Variants in MAGI2 observed in about 807,000 individuals in gnomAD.
The protein encoded by MAGI2 is membrane-associated guanylate kinase, WW and PDZ domain-containing protein 2.
Under a neutral mutation model 133.3 loss-of-function variants are expected in MAGI2, and 35 were observed. The observed-to-expected ratio is 0.26, with a 90% CI of 0.20 to 0.35. The LOEUF is 0.35. Among genes scored for constraint, MAGI2 ranks in the 10% least tolerant of loss-of-function variants. The pLI, the probability that MAGI2 is intolerant of heterozygous loss-of-function variation, is 1.00. For missense variants in MAGI2, 1,636 were observed against 1,863.4 expected, an observed-to-expected ratio of 0.88 and a Z score of 2.25; for synonymous variants, 729 against 710.6, an observed-to-expected ratio of 1.03 and a Z score of -0.41.
At chr7:79,292,472 A>T (rs892098702) in intron 1 of MAGI2, among the ~76,000 whole-genome samples, 7 of 151,904 alleles carry the variant, frequency 4.6e-5, no homozygotes, top group African/African-American at 1.7e-4. Flanking sequence ...AAAAAATAAA[A>T]AAATAAAAAA....
chr7:78,477,549 A>G (rs1178359611), intron 6 of MAGI2, among the ~76,000 whole-genome samples: 1 of 151,928 alleles, frequency 6.6e-6, no homozygotes, highest in African/African-American at 2.4e-5. Flanking sequence ...AAGATGAAGG[A>G]AGAGCAAAGG....
intron 1 of MAGI2, among the ~76,000 whole-genome samples, chr7:79,433,459 A>T (rs1262866734): frequency 6.6e-6 from 1 of 152,016 alleles, no homozygotes; most frequent in African/African-American, 2.4e-5. Flanking sequence ...AGGCTGAGGC[A>T]GGAGAATGGC....
At chr7:78,833,209 C>T (rs933611508) in intron 2 of MAGI2, among the ~76,000 whole-genome samples, 4 of 152,300 alleles carry the variant, frequency 2.6e-5, no homozygotes, top group Non-Finnish European at 5.9e-5. Flanking sequence ...TACTGATGCA[C>T]ACACTATATT....
intron 9 of MAGI2, among the ~76,000 whole-genome samples, chr7:78,258,229 A>G (rs1793182920): frequency 6.6e-6 from 1 of 152,118 alleles, no homozygotes; most frequent in Non-Finnish European, 1.5e-5. Context: ...TGGAGTGGAC[A>G]TTCCCTCACT....
chr7:78,312,788 G>A lies in MAGI2; in HGVS notation c.1408+30990C>T, dbSNP rs146089501. Among the ~76,000 whole-genome samples, 270 of 151,762 alleles carry A rather than the reference G, an allele frequency of 1.8e-3. 2 individuals are homozygous for A. The highest frequency in any genetic ancestry group is 6.3e-3 in the African/African-American group (262 of 41,408). ...CATTCCATCCAGCAATCCCACTCAAGGGTATATACCCAAAGGGAAATATTA... is the reference window on the plus strand; with the variant it reads ...CATTCCATCCAGCAATCCCACTCAAAGGTATATACCCAAAGGGAAATATTA... On this transcript the variant is annotated intron_variant, in intron 9 of 21. Transcript: ENST00000354212.
intron 1 of MAGI2, among the ~76,000 whole-genome samples, chr7:79,237,295 C>T (rs201506839): frequency 6.6e-6 from 1 of 152,164 alleles, no homozygotes; most frequent in East Asian, 1.9e-4. Context: ...GCGATCAAGA[C>T]CATCCTGGCT....
At chr7:79,378,100 A>G (rs2129140020) in intron 1 of MAGI2, among the ~76,000 whole-genome samples, 1 of 151,888 alleles carries the variant, frequency 6.6e-6, no homozygotes, top group Non-Finnish European at 1.5e-5. Context: ...CTATCCCATT[A>G]TTTCTCTTAG....
chr7:78,844,032 T>G (rs1792374181), intron 2 of MAGI2, among the ~76,000 whole-genome samples: 2 of 148,270 alleles, frequency 1.3e-5, no homozygotes, highest in South Asian at 4.2e-4. Flanking sequence ...CAGAAAAATC[T>G]GAAAGGAAAT....
At chr7:78,907,738 A>C (rs1046199856) in intron 2 of MAGI2, among the ~76,000 whole-genome samples, 2 of 152,174 alleles carry the variant, frequency 1.3e-5, no homozygotes, top group Admixed American at 6.6e-5. Flanking sequence ...CTAAAAAATT[A>C]GGCCTCTATT....
intron 3 of MAGI2, among the ~76,000 whole-genome samples, chr7:78,574,736 A>C (rs1802086517): frequency 6.6e-6 from 1 of 152,218 alleles, no homozygotes; most frequent in Non-Finnish European, 1.5e-5. Context: ...CCACAAGTGG[A>C]AAGTGATAAA....
intron 1 of MAGI2, among the ~76,000 whole-genome samples, chr7:79,363,009 G>C (rs1168024350): frequency 6.6e-6 from 1 of 151,564 alleles, no homozygotes; most frequent in Non-Finnish European, 1.5e-5. Flanking sequence ...GAAATAAACT[G>C]TTTCTAGATA....
intron 1 of MAGI2, among the ~76,000 whole-genome samples, chr7:79,218,921 A>G (rs867006905): frequency 5.3e-5 from 8 of 152,250 alleles, no homozygotes; most frequent in African/African-American, 1.7e-4. Context: ...CATTCCTTTT[A>G]GAAATTTTCC....
In MAGI2 at chr7:78,320,700, G is replaced by T. The variant is rs1787906579; in HGVS notation, c.1408+23078C>A. On this transcript the variant is annotated intron_variant, in intron 9 of 21. Transcript: ENST00000354212. Reference sequence around the variant, plus strand: ...GGGAAAAAACTGGAAGTACTCCCTTGGAAAACTGGCACAAGACAAGGATGC... The same window carrying T: ...GGGAAAAAACTGGAAGTACTCCCTTTGAAAACTGGCACAAGACAAGGATGC... 1.3e-5 allele frequency among the ~76,000 whole-genome samples: 2 copies of T among 152,056 alleles called. 1 individual carries two copies. The highest frequency in any genetic ancestry group is 4.1e-4 in the South Asian group (2 of 4,828).
chr7:79,040,835 C>G (rs371509544), intron 1 of MAGI2, among the ~76,000 whole-genome samples: 30 of 152,340 alleles, frequency 2.0e-4, no homozygotes, highest in African/African-American at 6.7e-4. Context: ...CAATGCAGAA[C>G]TGTGAGTCAA....
intron 1 of MAGI2, among the ~76,000 whole-genome samples, chr7:79,397,644 T>C (rs1563186183): frequency 6.6e-6 from 1 of 152,150 alleles, no homozygotes; most frequent in Non-Finnish European, 1.5e-5. Context: ...TTTGTTAGTT[T>C]GATAGGTAAT....
chr7:78,947,191 A>C (rs1801488813), intron 2 of MAGI2, among the ~76,000 whole-genome samples: 1 of 152,056 alleles, frequency 6.6e-6, no homozygotes, highest in African/African-American at 2.4e-5. Context: ...AAACAAACTT[A>C]ATAAGGATGG....
At chr7:78,538,310 G>T (rs2150658556) in intron 3 of MAGI2, among the ~76,000 whole-genome samples, 1 of 152,266 alleles carries the variant, frequency 6.6e-6, no homozygotes, top group South Asian at 2.1e-4. Context: ...GGCTACATGG[G>T]CTCTCTTTTA....
In MAGI2 at chr7:78,655,402, C is replaced by T. The variant is rs190127613; in HGVS notation, c.419-28163G>A. ...CATGCAATCTCAGCCTTGGCTTATA[C>T]AAAAAACAAAACAAAACAAAACAAA... On this transcript the variant is annotated intron_variant, in intron 2 of 21. Transcript: ENST00000354212. Among the ~76,000 whole-genome samples the T allele has an allele frequency of 5.9e-5, 3 of 50,732 alleles. No homozygotes were observed. The East Asian group carries it at 1.8e-3, about 30-fold the overall frequency. The allele number at this position is 50,732 out of a possible 152,430, so 33.3% of individuals were successfully genotyped here.
intron 6 of MAGI2, among the ~76,000 whole-genome samples, chr7:78,424,823 T>C (rs1185332636): frequency 6.6e-6 from 1 of 152,164 alleles, no homozygotes; most frequent in Admixed American, 6.5e-5. Flanking sequence ...ATGGCTGAAT[T>C]TACCCAATGC....
Sources: allele counts gnomAD v4.1 joint callset (sites outside exome capture counted in the v4.1 genomes callset), GRCh38; gene constraint gnomAD v4.1.1; transcripts MANE v1.5; gene names NCBI Gene and HGNC (gene_info 2026-07-23, HGNC 2026-07-21).